EPHA4: variants seen among roughly 807,000 people sequenced by gnomAD.
EPHA4 encodes the protein ephrin type-A receptor 4.
Under a neutral mutation model 108.3 loss-of-function variants are expected in EPHA4, and 19 were observed. That is an observed-to-expected ratio of 0.18 (90% CI 0.12 to 0.26). EPHA4 has a LOEUF of 0.26. Among genes scored for constraint, EPHA4 ranks in the 10% least tolerant of loss-of-function variants. The pLI, the probability that EPHA4 is intolerant of heterozygous loss-of-function variation, is 1.00. For missense variants in EPHA4, 917 were observed against 1,254.0 expected, an observed-to-expected ratio of 0.73 and a Z score of 4.06; for synonymous variants, 449 against 455.5, an observed-to-expected ratio of 0.99 and a Z score of 0.18.
intron 14 of EPHA4, among the ~76,000 whole-genome samples, chr2:221,430,466 G>C (rs1186435392): frequency 6.7e-6 from 1 of 148,500 alleles, no homozygotes; most frequent in Non-Finnish European, 1.5e-5. Flanking sequence ...CCTGCCCCCT[G>C]CCCCCTGCCT....
chr2:221,449,578 C>A (rs1243703442), intron 8 of EPHA4, among the ~76,000 whole-genome samples: 2 of 152,048 alleles, frequency 1.3e-5, no homozygotes, highest in East Asian at 3.9e-4. Flanking sequence ...AGAGTGTGAA[C>A]TAAGCCCTCC....
intron 5 of EPHA4, among the ~76,000 whole-genome samples, chr2:221,468,584 G>A (rs543070049): frequency 6.6e-6 from 1 of 152,276 alleles, no homozygotes; most frequent in East Asian, 1.9e-4. Flanking sequence ...AAAGCATCTA[G>A]ATCAGTCCCC....
intron 15 of EPHA4, among the ~76,000 whole-genome samples, chr2:221,428,858 T>G (rs1158155128): frequency 6.6e-6 from 1 of 152,230 alleles, no homozygotes; most frequent in African/African-American, 2.4e-5. Context: ...GAAAACCTGG[T>G]GGAGAATATA....
chr2:221,432,034 T>C (rs558134490), intron 14 of EPHA4, among the ~76,000 whole-genome samples: 1 of 152,134 alleles, frequency 6.6e-6, no homozygotes, highest in East Asian at 1.9e-4. Context: ...ATCAATATTA[T>C]TTGTGAGCAA....
chr2:221,482,783 C>G, intron 4 of EPHA4, 93 bp from the exon 5 acceptor site: 2 of 1,176,566 alleles, frequency 1.7e-6, no homozygotes, highest in Non-Finnish European at 2.4e-6. Flanking sequence ...CTCTCCAAAG[C>G]AAGGCAAACC....
intron 1 of EPHA4, 28 bp downstream of exon 1, chr2:221,572,130 G>C (rs772398721): frequency 1.0e-5 from 16 of 1,598,804 alleles, no homozygotes; most frequent in Non-Finnish European, 1.4e-5. Flanking sequence ...CGCTGTCCCC[G>C]ACCACAGAAA....
intron 5 of EPHA4, among the ~76,000 whole-genome samples, chr2:221,477,417 T>C (rs2106136573): frequency 6.6e-6 from 1 of 152,288 alleles, no homozygotes; most frequent in Non-Finnish European, 1.5e-5. Context: ...CTATGGACAT[T>C]TTGGACCAGA....
chr2:221,488,753 G>A (rs1190263228), intron 4 of EPHA4, among the ~76,000 whole-genome samples: 1 of 152,024 alleles, frequency 6.6e-6, no homozygotes, highest in East Asian at 1.9e-4. Context: ...AAGGAATCTT[G>A]ATCTTCCTTT....
intron 3 of EPHA4, among the ~76,000 whole-genome samples, chr2:221,535,354 C>A (rs1317576943): frequency 1.3e-5 from 2 of 152,168 alleles, no homozygotes; most frequent in African/African-American, 4.8e-5. Flanking sequence ...ATTTTTGCAA[C>A]CACTAGGGTT....
At chr2:221,474,421 T>TC (rs1691595455) in intron 5 of EPHA4, among the ~76,000 whole-genome samples, 1 of 67,426 alleles carries the variant, frequency 1.5e-5, no homozygotes, top group Non-Finnish European at 2.9e-5. Context: ...AGACTGTTTC[T>TC]TAAAAAAAAA....
intron 2 of EPHA4, among the ~76,000 whole-genome samples, chr2:221,568,180 G>C (rs1161945479): frequency 6.6e-6 from 1 of 152,116 alleles, no homozygotes; most frequent in African/African-American, 2.4e-5. Context: ...ACAGGCTTAG[G>C]GTTTTTTGGA....
chr2:221,469,032 T>G (rs1489028848), intron 5 of EPHA4, among the ~76,000 whole-genome samples: 2 of 152,338 alleles, frequency 1.3e-5, no homozygotes, highest in Admixed American at 1.3e-4. Context: ...AATATACTAG[T>G]AATACTAACG....
chr2:221,544,185 G>C (rs984921153), intron 3 of EPHA4, among the ~76,000 whole-genome samples: 1 of 152,054 alleles, frequency 6.6e-6, no homozygotes, highest in East Asian at 1.9e-4. Context: ...ATTCGAAGGG[G>C]GCATAAATAT....
chr2:221,523,861 C>A (rs552544813), intron 3 of EPHA4, among the ~76,000 whole-genome samples: 4 of 152,094 alleles, frequency 2.6e-5, no homozygotes, highest in Admixed American at 6.6e-5. Flanking sequence ...GCTGGGATTA[C>A]AGGCATGAGC....
intron 11 of EPHA4, among the ~76,000 whole-genome samples, chr2:221,441,633 C>T (rs577619560): frequency 1.2e-4 from 18 of 152,246 alleles, no homozygotes; most frequent in South Asian, 4.1e-4. Flanking sequence ...CTTAGCCATC[C>T]GTGGATGACA....
rs1553595907 is a variant in EPHA4 at position 221,566,872 on chromosome 2, A to AAGAAGAAGAAGT, written c.159+1845_159+1846insACTTCTTCTTCT. Reference sequence around the variant, plus strand: ...GGAGAAGGAGAAGAAGAAGAAGAAGAAGAAGGAGAAGGAGAAGGAGAAGGA... The same window carrying AAGAAGAAGAAGT: ...GGAGAAGGAGAAGAAGAAGAAGAAGAAGAAGAAGAAGTAGAAGGAGAAGGAGAAGGAGAAGGA... On this transcript the variant is annotated intron_variant, in intron 2 of 17. Transcript: ENST00000281821. 4.3e-4 allele frequency among the ~76,000 whole-genome samples: 18 copies of AAGAAGAAGAAGT among 41,580 alleles called. 4 individuals carry two copies. The highest frequency in any genetic ancestry group is 1.0e-3 in the Admixed American group (3 of 2,942). The allele number at this position is 41,580 out of a possible 152,430, so 27.3% of individuals were successfully genotyped here. A position where few individuals can be genotyped will look rare whatever the true frequency, so the allele number is the denominator to read the frequency against.
rs760625086 is a variant in EPHA4, at chr2:221,437,053, T to C, written c.2136+8A>G. On this transcript the variant is annotated splice_region_variant and intron_variant, in intron 12 of 17. Coordinates refer to ENST00000281821, the MANE Select transcript of EPHA4 (RefSeq NM_004438.5). ...CATTCTTGGGTTTAATATAAAGTAGTCACATACCCTGAGGAATGCATCCAA... is the reference window on the plus strand; with the variant it reads ...CATTCTTGGGTTTAATATAAAGTAGCCACATACCCTGAGGAATGCATCCAA... 6.2e-7 allele frequency: 1 copy of C among 1,600,190 alleles called. No individual in the cohort carries two copies. The highest frequency in any genetic ancestry group is 1.1e-5 in the South Asian group (1 of 90,802).
intron 5 of EPHA4, among the ~76,000 whole-genome samples, chr2:221,474,355 T>C (rs760929875): frequency 6.6e-6 from 1 of 151,302 alleles, no homozygotes; most frequent in Non-Finnish European, 1.5e-5. Flanking sequence ...TTAATTATAG[T>C]GGTAGCAACA....
chr2:221,483,863 C>G (rs1691903144), intron 4 of EPHA4, among the ~76,000 whole-genome samples: 2 of 152,046 alleles, frequency 1.3e-5, no homozygotes, highest in African/African-American at 4.8e-5. Flanking sequence ...AAGAATCAGG[C>G]TGGGAGAAGG....
Sources: gnomAD v4.1 joint callset for allele counts (sites outside exome capture counted in the v4.1 genomes callset) on GRCh38, gnomAD v4.1.1 for gene constraint, MANE v1.5 for transcripts, NCBI Gene and HGNC (gene_info 2026-07-23, HGNC 2026-07-21) for gene names.